KCNJ3: variants seen among roughly 807,000 people sequenced by gnomAD.
The protein encoded by KCNJ3 is potassium inwardly rectifying channel subfamily J member 3.
Under a neutral mutation model 39.2 loss-of-function variants are expected in KCNJ3, and 4 were observed. That is an observed-to-expected ratio of 0.10 (90% CI 0.05 to 0.23). The LOEUF (loss-of-function observed/expected upper bound fraction) is 0.23, where lower values mean the gene tolerates loss of function less well. Among genes scored for constraint, KCNJ3 ranks in the 10% least tolerant of loss-of-function variants. The pLI is 1.00. For missense variants in KCNJ3, 276 were observed against 634.9 expected (o/e 0.43, Z 6.08); for synonymous variants, 230 against 237.4 (o/e 0.97, Z 0.29).
chr2:154,785,906 G>A (rs1340310700), intron 2 of KCNJ3, among the ~76,000 whole-genome samples: 1 of 152,068 alleles, frequency 6.6e-6, no homozygotes, highest in East Asian at 1.9e-4. Context: ...ACATACTGGG[G>A]GTCAGGGCTT....
At chr2:154,724,241 CA>C (rs559667643) in intron 2 of KCNJ3, among the ~76,000 whole-genome samples, 158 of 152,190 alleles carry the variant, frequency 1.0e-3, no homozygotes, top group African/African-American at 3.7e-3. Context: ...TGAGATTACA[CA>C]GTGTTGTTGT....
chr2:154,792,826 T>C (rs16838189), intron 2 of KCNJ3, among the ~76,000 whole-genome samples: 9,644 of 152,202 alleles, frequency 0.063, 348 homozygotes, highest in African/African-American at 0.091. Flanking sequence ...CTGTCAACCA[T>C]ACTTCAATCC....
At chr2:154,751,604 A>G (rs988351165) in intron 2 of KCNJ3, among the ~76,000 whole-genome samples, 9 of 152,118 alleles carry the variant, frequency 5.9e-5, no homozygotes, top group Non-Finnish European at 1.2e-4. Context: ...CATAATATGT[A>G]ATACAATTAA....
At chr2:154,774,423 G>A (rs1686297086) in intron 2 of KCNJ3, among the ~76,000 whole-genome samples, 1 of 151,500 alleles carries the variant, frequency 6.6e-6, no homozygotes, top group African/African-American at 2.4e-5. Flanking sequence ...TGGTCAGAAG[G>A]GTAACTGTAA....
intron 1 of KCNJ3, among the ~76,000 whole-genome samples, chr2:154,708,535 C>G (rs1685051690): frequency 6.6e-6 from 1 of 152,078 alleles, no homozygotes; most frequent in Non-Finnish European, 1.5e-5. Context: ...TCCTATTTGA[C>G]CAGCAGTATG....
At chr2:154,821,801 T>A (rs1470564081) in intron 2 of KCNJ3, among the ~76,000 whole-genome samples, 1 of 151,942 alleles carries the variant, frequency 6.6e-6, no homozygotes, top group Non-Finnish European at 1.5e-5. Flanking sequence ...CCACCACACC[T>A]GGCTATTTTT....
At position 154,822,351 on chromosome 2, in the gene KCNJ3, C is replaced by T. The variant is rs16838292; in HGVS notation, c.920-32376C>T. Among the ~76,000 whole-genome samples the T allele has an allele frequency of 2.0e-3, 306 of 152,234 alleles. 2 individuals carry two copies. Among genetic ancestry groups the T allele is most frequent in the African/African-American group, 7.2e-3 (301 of 41,538 alleles). Reference sequence around the variant, plus strand: ...CTGTGTGCCTCATAATTATCTTGAACCACTGAGGCATTTCTGCAGCTCTAA... The same window carrying T: ...CTGTGTGCCTCATAATTATCTTGAATCACTGAGGCATTTCTGCAGCTCTAA... On this transcript the variant is annotated intron_variant, in intron 2 of 2. Transcript: ENST00000295101.
intron 2 of KCNJ3, among the ~76,000 whole-genome samples, chr2:154,736,374 T>TAAAAAAAAAAAAAAA (rs70983745): frequency 4.3e-5 from 4 of 93,230 alleles, no homozygotes; most frequent in Admixed American, 1.3e-4. Flanking sequence ...TCACTAGTTC[T>TAAAAAAAAAAAAAAA]AAAAAAAAAA....
chr2:154,775,614 A>G (rs1044904809), intron 2 of KCNJ3, among the ~76,000 whole-genome samples: 1 of 152,240 alleles, frequency 6.6e-6, no homozygotes, highest in Non-Finnish European at 1.5e-5. Context: ...AAATAATACC[A>G]TTTACTTAAA....
chr2:154,771,023 G>A (rs568084590), intron 2 of KCNJ3, among the ~76,000 whole-genome samples: 13 of 151,072 alleles, frequency 8.6e-5, no homozygotes, highest in African/African-American at 3.2e-4. Context: ...CCCCAGTAGC[G>A]GGATTACAGG....
At chr2:154,836,105 G>A (rs1241913369) in intron 2 of KCNJ3, among the ~76,000 whole-genome samples, 4 of 151,734 alleles carry the variant, frequency 2.6e-5, no homozygotes, top group Non-Finnish European at 5.9e-5. Flanking sequence ...AGCTACTCGG[G>A]AGGCTGAGGC....
In KCNJ3 at chr2:154,789,277, G is replaced by T. The variant is rs559416495; in HGVS notation, c.920-65450G>T. On this transcript the variant is annotated intron_variant, in intron 2 of 2. Transcript: ENST00000295101. ...AGTAAAGAAGACAGTGGTCATGGGG[G>T]AAATTAAACTATCTCCTTGTTTGTT... 1.2e-3 allele frequency among the ~76,000 whole-genome samples: 179 copies of T among 152,084 alleles called. 2 individuals are homozygous for T. The highest frequency in any genetic ancestry group is 4.2e-3 in the African/African-American group (175 of 41,556).
chr2:154,752,552 G>A lies in KCNJ3; in HGVS notation c.919+42733G>A, dbSNP rs529360825. On this transcript the variant is annotated intron_variant, in intron 2 of 2. Coordinates refer to ENST00000295101, the MANE Select transcript of KCNJ3 (RefSeq NM_002239.4). ...TGGTACATTATTAACTATAAAAATC[G>A]GAAATATTATGAAACTTTCTATGAT... 4.1e-4 allele frequency among the ~76,000 whole-genome samples: 63 copies of A among 151,926 alleles called. No homozygotes were observed. The South Asian group carries it at 9.8e-3, about 24-fold the overall frequency.
At chr2:154,764,213 A>G (rs1269359368) in intron 2 of KCNJ3, among the ~76,000 whole-genome samples, 1 of 152,216 alleles carries the variant, frequency 6.6e-6, no homozygotes, top group Non-Finnish European at 1.5e-5. Flanking sequence ...TGTTTATTTA[A>G]AAGGAGCGTT....
At chr2:154,851,699 C>T (rs1394453856) in intron 2 of KCNJ3, among the ~76,000 whole-genome samples, 1 of 152,070 alleles carries the variant, frequency 6.6e-6, no homozygotes, top group African/African-American at 2.4e-5. Context: ...GATTCTCCAC[C>T]TTCCTTTTCA....
chr2:154,849,368 G>A (rs10165150), intron 2 of KCNJ3, among the ~76,000 whole-genome samples: 31,117 of 151,860 alleles, frequency 0.2, 3,489 homozygotes, highest in East Asian at 0.4. Flanking sequence ...TTTGATGTAC[G>A]TGTGATAAAA....
intron 2 of KCNJ3, among the ~76,000 whole-genome samples, chr2:154,771,504 AAGAAAGTT>A (rs1686241463): frequency 6.6e-6 from 1 of 152,158 alleles, no homozygotes; most frequent in African/African-American, 2.4e-5. Flanking sequence ...AGGAATCTAG[AAGAAAGTT>A]TAGAGCTACT....
intron 2 of KCNJ3, among the ~76,000 whole-genome samples, chr2:154,834,602 G>A (rs1053962425): frequency 6.6e-6 from 1 of 151,846 alleles, no homozygotes. Context: ...GGTGGCGGGC[G>A]CCTGTAATCC....
intron 2 of KCNJ3, among the ~76,000 whole-genome samples, chr2:154,750,361 T>C (rs1685817771): frequency 6.6e-6 from 1 of 151,968 alleles, no homozygotes; most frequent in Admixed American, 6.6e-5. Context: ...ATAATTAAAA[T>C]ATCTGTACTG....
Sources: allele counts gnomAD v4.1 joint callset (sites outside exome capture counted in the v4.1 genomes callset), GRCh38; gene constraint gnomAD v4.1.1; transcripts MANE v1.5; gene names NCBI Gene and HGNC (gene_info 2026-07-23, HGNC 2026-07-21).